CDH4: variants seen among roughly 807,000 people sequenced by gnomAD.
CDH4 encodes the protein cadherin 4, also known as cadherin-4.
Under a neutral mutation model 86.0 loss-of-function variants are expected in CDH4, and 33 were observed. The ratio of observed to expected loss-of-function variants is 0.38; its 90% CI spans 0.29 to 0.51. The LOEUF (loss-of-function observed/expected upper bound fraction) is 0.51, where lower values mean the gene tolerates loss of function less well. Ranked by LOEUF, CDH4 falls within the 20% of genes least tolerant of loss-of-function variation. The pLI is 0.86. For synonymous variants in CDH4, 555 were observed against 549.4 expected (o/e 1.01, Z -0.14); for missense variants, 1,114 against 1,307.4 (o/e 0.85, Z 2.28).
At chr20:61,338,020 T>G (rs1802304129) in intron 2 of CDH4, among the ~76,000 whole-genome samples, 3 of 152,166 alleles carry the variant, frequency 2.0e-5, no homozygotes, top group African/African-American at 7.2e-5. Context: ...CATTGGGGTC[T>G]TTTGCAATGT....
At position 61,936,969 on chromosome 20, in the gene CDH4, T is replaced by C; in HGVS notation, c.*26T>C. On this transcript the variant is annotated 3_prime_UTR_variant, in exon 16 of 16. Transcript: ENST00000614565. ...CTGACCTCGCATCTTCGGACCGAAG[T>C]GAGAGCCGTGCTCGGACGCCGGAGG... 1 of 1,538,758 alleles carries C rather than the reference T, an allele frequency of 6.5e-7. No homozygotes were observed. The highest frequency in any genetic ancestry group is 8.8e-7 in the Non-Finnish European group (1 of 1,138,898).
At chr20:61,413,405 G>T (rs1056611896) in intron 2 of CDH4, among the ~76,000 whole-genome samples, 50 of 152,266 alleles carry the variant, frequency 3.3e-4, no homozygotes, top group African/African-American at 1.2e-3. Flanking sequence ...GTGAGTGGTT[G>T]TGGAGCCGGG....
At chr20:61,397,408 C>A (rs1314903701) in intron 2 of CDH4, among the ~76,000 whole-genome samples, 1 of 143,596 alleles carries the variant, frequency 7.0e-6, no homozygotes, top group East Asian at 1.9e-4. Flanking sequence ...TGTTCACGAC[C>A]TTCAGGCTTC....
intron 2 of CDH4, among the ~76,000 whole-genome samples, chr20:61,578,893 C>T (rs1490706105): frequency 1.3e-5 from 2 of 152,172 alleles, no homozygotes; most frequent in Non-Finnish European, 2.9e-5. Flanking sequence ...AGACACCCTG[C>T]CCCATCCAAG....
chr20:61,320,849 G>A (rs1375118322), intron 2 of CDH4, among the ~76,000 whole-genome samples: 3 of 152,062 alleles, frequency 2.0e-5, no homozygotes. Flanking sequence ...ACGGCCAGGT[G>A]GCTGGAGGGG....
chr20:61,881,584 C>T (rs1984278099), intron 7 of CDH4, among the ~76,000 whole-genome samples: 1 of 152,212 alleles, frequency 6.6e-6, no homozygotes, highest in Non-Finnish European at 1.5e-5. Context: ...GAACTGGGCC[C>T]AGGCGGCTGG....
chr20:61,391,488 C>T (rs966089150), intron 2 of CDH4, among the ~76,000 whole-genome samples: 1 of 152,188 alleles, frequency 6.6e-6, no homozygotes, highest in Admixed American at 6.5e-5. Context: ...CAGGGCTAGA[C>T]ACATGCCCCA....
chr20:61,268,729 T>C (rs915174297), intron 2 of CDH4, among the ~76,000 whole-genome samples: 3 of 152,072 alleles, frequency 2.0e-5, no homozygotes, highest in African/African-American at 7.2e-5. Context: ...TGCCATGTGA[T>C]CTCAACACAT....
chr20:61,395,861 C>T (rs13045037), intron 2 of CDH4, among the ~76,000 whole-genome samples: 34,414 of 152,088 alleles, frequency 0.23, 3,979 homozygotes, highest in East Asian at 0.39. Flanking sequence ...TCTGAAGGCA[C>T]GAAAACTCTT....
chr20:61,681,749 G>A lies in CDH4; in HGVS notation c.170-61814G>A, dbSNP rs750094002. Reference sequence around the variant, plus strand: ...TGGAGCTGCCACCCTAGAAAGCCCTGCGTCGGTGTTGCTGTGTTCTCAGGC... The same window carrying A: ...TGGAGCTGCCACCCTAGAAAGCCCTACGTCGGTGTTGCTGTGTTCTCAGGC... On this transcript the variant is annotated intron_variant, in intron 2 of 15. Transcript: ENST00000614565. This position sits in a 1 kb window ranked among gnomAD's most constrained non-coding sequence, Gnocchi z 4.5. Among the ~76,000 whole-genome samples the A allele has an allele frequency of 9.2e-5, 14 of 152,212 alleles. No homozygotes were observed. Among genetic ancestry groups the A allele is most frequent in the Non-Finnish European group, 1.5e-4 (10 of 68,036 alleles).
intron 12 of CDH4, 88 bp from the exon 13 acceptor site, chr20:61,929,521 C>T: frequency 2.1e-6 from 2 of 935,300 alleles, no homozygotes; most frequent in Admixed American, 3.8e-5. Flanking sequence ...ATTTCCATGC[C>T]ATCGGACTTT....
intron 2 of CDH4, among the ~76,000 whole-genome samples, chr20:61,741,158 A>G (rs2088327474): frequency 6.6e-6 from 1 of 152,132 alleles, no homozygotes; most frequent in Non-Finnish European, 1.5e-5. Context: ...GCAATGAGCC[A>G]AGACGGCACC....
intron 3 of CDH4, among the ~76,000 whole-genome samples, chr20:61,763,128 C>G (rs749324698): frequency 6.6e-6 from 1 of 152,202 alleles, no homozygotes; most frequent in East Asian, 1.9e-4. Context: ...TGTGACCTAT[C>G]GCCAAAGGTC....
chr20:61,838,126 G>A (rs1347858123), intron 4 of CDH4, among the ~76,000 whole-genome samples: 1 of 143,740 alleles, frequency 7.0e-6, no homozygotes, highest in African/African-American at 2.5e-5. Context: ...CTGGGTGACT[G>A]GGGCCGTCTA....
At chr20:61,903,534 A>T (rs1032525001) in intron 8 of CDH4, among the ~76,000 whole-genome samples, 4 of 93,390 alleles carry the variant, frequency 4.3e-5, no homozygotes, top group Non-Finnish European at 9.2e-5. Flanking sequence ...AGCAGAAGAG[A>T]CTCCATAAAA....
chr20:61,521,262 C>T (rs2085866899), intron 2 of CDH4, among the ~76,000 whole-genome samples: 1 of 152,178 alleles, frequency 6.6e-6, no homozygotes, highest in Middle Eastern at 3.2e-3. Flanking sequence ...CTCACAGCCT[C>T]CTCCAGCAGT....
At chr20:61,652,507 G>A (rs2087132398) in intron 2 of CDH4, among the ~76,000 whole-genome samples, 1 of 152,162 alleles carries the variant, frequency 6.6e-6, no homozygotes, top group Non-Finnish European at 1.5e-5. Context: ...AATTTTTCAA[G>A]TTCATAAATA....
chr20:61,376,140 G>A (rs2084871473), intron 2 of CDH4, among the ~76,000 whole-genome samples: 1 of 151,892 alleles, frequency 6.6e-6, no homozygotes, highest in Non-Finnish European at 1.5e-5. Context: ...GGTGGTACTG[G>A]TGGCAAATGT....
intron 3 of CDH4, among the ~76,000 whole-genome samples, chr20:61,770,935 A>C (rs1431312545): frequency 6.6e-6 from 1 of 151,620 alleles, no homozygotes; most frequent in African/African-American, 2.4e-5. Flanking sequence ...ATATGATAAC[A>C]GAACTCCCTG....
Sources: gnomAD v4.1 joint callset for allele counts (sites outside exome capture counted in the v4.1 genomes callset) on GRCh38, gnomAD v4.1.1 for gene constraint, Gnocchi (gnomAD v3.1) non-coding constraint, MANE v1.5 for transcripts, NCBI Gene and HGNC (gene_info 2026-07-23, HGNC 2026-07-21) for gene names.